Variants in PDE10A observed in about 807,000 individuals in gnomAD.
The protein encoded by PDE10A is phosphodiesterase 10A, also known as cAMP and cAMP-inhibited cGMP 3',5'-cyclic phosphodiesterase 10A.
PDE10A carries 39 observed loss-of-function variants against 97.7 expected under a neutral mutation model. The observed-to-expected ratio is 0.40, with a 90% confidence interval of 0.31 to 0.52. The LOEUF (loss-of-function observed/expected upper bound fraction) is 0.52, where lower values mean the gene tolerates loss of function less well. Ranked by LOEUF, PDE10A falls within the 20% of genes least tolerant of loss-of-function variation. The pLI is 0.56. For missense variants in PDE10A, 731 were observed against 1,047.8 expected (o/e 0.70, Z 4.17); for synonymous variants, 371 against 376.8 (o/e 0.98, Z 0.18).
intron 1 of PDE10A, among the ~76,000 whole-genome samples, chr6:165,643,240 T>G (rs1583701405): frequency 2.0e-5 from 3 of 147,422 alleles, no homozygotes; most frequent in African/African-American, 2.5e-5. Flanking sequence ...AGTGGGTGGG[T>G]GGGTGGATGG....
intron 1 of PDE10A, among the ~76,000 whole-genome samples, chr6:165,938,559 G>A (rs566392678): frequency 6.6e-6 from 1 of 152,254 alleles, no homozygotes; most frequent in Admixed American, 6.5e-5. Flanking sequence ...CCTTATCCTT[G>A]GGATTCAAGT....
At chr6:165,614,809 T>C (rs1266152119) in intron 1 of PDE10A, among the ~76,000 whole-genome samples, 1 of 148,414 alleles carries the variant, frequency 6.7e-6, no homozygotes, top group East Asian at 2.0e-4. Flanking sequence ...CCTGATCAAA[T>C]AGAAGTAAGG....
chr6:165,815,111 T>C (rs1190971788), intron 1 of PDE10A, among the ~76,000 whole-genome samples: 1 of 152,178 alleles, frequency 6.6e-6, no homozygotes. Flanking sequence ...CAGAAATAGA[T>C]GAGCAGGAGA....
At position 165,388,279 on chromosome 6, in the gene PDE10A, A is replaced by G. The variant is rs1254469300; in HGVS notation, c.2610+19T>C. ...GACAGCCCTTCAGACTAAGCGAGAG[A>G]CGGCGTGCAGTGACTCACCTGGAGG... is the stretch of plus-strand genomic sequence containing the variant. On this transcript the variant is annotated intron_variant, in intron 17 of 21. Coordinates refer to ENST00000539869, the MANE Select transcript of PDE10A (RefSeq NM_001385079.1). This position sits in a 1 kb window ranked among gnomAD's most constrained non-coding sequence, Gnocchi z 4.0. The G allele has an allele frequency of 6.2e-7, 1 of 1,612,736 alleles. No homozygotes were observed. The highest frequency in any genetic ancestry group is 8.5e-7 in the Non-Finnish European group (1 of 1,179,082).
At chr6:165,524,669 C>CAT (rs1554279349) in intron 2 of PDE10A, among the ~76,000 whole-genome samples, 17 of 152,044 alleles carry the variant, frequency 1.1e-4, no homozygotes, top group Non-Finnish European at 2.2e-4. Flanking sequence ...TGCCCTGAGT[C>CAT]AGTCTTATCT....
chr6:165,345,724 T>C (rs1487131592), intron 18 of PDE10A, among the ~76,000 whole-genome samples: 3 of 152,212 alleles, frequency 2.0e-5, no homozygotes, highest in African/African-American at 7.2e-5. Flanking sequence ...CTACATTCAT[T>C]TATCCTCAAA....
chr6:165,435,534 C>T (rs887549516), intron 5 of PDE10A, among the ~76,000 whole-genome samples, 157 bp from the exon 6 acceptor site: 2 of 152,118 alleles, frequency 1.3e-5, no homozygotes, highest in South Asian at 2.1e-4. Flanking sequence ...AACCAGATTA[C>T]CTAAAGTGAA....
At chr6:165,343,878 A>C (rs968933339) in intron 18 of PDE10A, among the ~76,000 whole-genome samples, 1 of 152,212 alleles carries the variant, frequency 6.6e-6, no homozygotes, top group Non-Finnish European at 1.5e-5. Context: ...AAGACGTCTT[A>C]AGAGAAAATC....
At chr6:165,533,599 C>A (rs1782910689) in intron 2 of PDE10A, among the ~76,000 whole-genome samples, 1 of 152,128 alleles carries the variant, frequency 6.6e-6, no homozygotes, top group Non-Finnish European at 1.5e-5. Flanking sequence ...TGCTCATTGG[C>A]ATACTAAATG....
At chr6:165,880,744 C>T (rs890619440) in intron 1 of PDE10A, among the ~76,000 whole-genome samples, 1 of 152,106 alleles carries the variant, frequency 6.6e-6, no homozygotes, top group African/African-American at 2.4e-5. Context: ...AAAATCATAC[C>T]ATGTGAAGAC....
chr6:165,413,713 A>T, intron 12 of PDE10A, 26 bp from the exon 13 acceptor site: 1 of 1,558,220 alleles, frequency 6.4e-7, no homozygotes, highest in Non-Finnish European at 8.8e-7. Context: ...ACCAAAAATA[A>T]CAACAACAAC....
intron 10 of PDE10A, among the ~76,000 whole-genome samples, chr6:165,419,890 A>G (rs139148691): frequency 2.0e-5 from 3 of 152,348 alleles, no homozygotes; most frequent in Non-Finnish European, 4.4e-5. Flanking sequence ...TTTAATAGAA[A>G]TAAGTCTAAG....
At chr6:165,454,577 C>T (rs1339744749) in intron 3 of PDE10A, among the ~76,000 whole-genome samples, 1 of 152,124 alleles carries the variant, frequency 6.6e-6, no homozygotes, top group Non-Finnish European at 1.5e-5. Flanking sequence ...AGTTTGGCCA[C>T]CTTCCTCTCT....
chr6:165,470,232 A>G (rs900034092), intron 3 of PDE10A, among the ~76,000 whole-genome samples: 2 of 152,132 alleles, frequency 1.3e-5, no homozygotes, highest in African/African-American at 4.8e-5. Context: ...TCAACAGGAG[A>G]CTTGTTAGGG....
chr6:165,904,612 T>A (rs978450000), intron 1 of PDE10A, among the ~76,000 whole-genome samples: 2 of 152,226 alleles, frequency 1.3e-5, no homozygotes, highest in African/African-American at 2.4e-5. Flanking sequence ...GGCAGCAAGA[T>A]TTTTTGGAGG....
chr6:165,765,704 C>T (rs576445184), intron 1 of PDE10A, among the ~76,000 whole-genome samples: 54 of 152,094 alleles, frequency 3.6e-4, no homozygotes, highest in Non-Finnish European at 6.5e-4. Flanking sequence ...AGTGGGCTCC[C>T]GCCTTGGCCA....
intron 6 of PDE10A, 140 bp downstream of exon 6, chr6:165,435,097 C>G: frequency 1.3e-6 from 1 of 785,716 alleles, no homozygotes; most frequent in Middle Eastern, 3.3e-4. Flanking sequence ...TTAACTTACA[C>G]ATTAATATAT....
chr6:165,734,136 T>A (rs978061008), intron 1 of PDE10A, among the ~76,000 whole-genome samples: 3 of 152,146 alleles, frequency 2.0e-5, no homozygotes, highest in African/African-American at 7.2e-5. Flanking sequence ...GGACCATCTC[T>A]CCTCCTGGTG....
At position 165,469,425 on chromosome 6, in the gene PDE10A, T is replaced by C. The variant is rs75258173; in HGVS notation, c.1023+12890A>G. On this transcript the variant is annotated intron_variant, in intron 3 of 21. Transcript: ENST00000539869. ...CACGGGTTTCTGAGGTTGCTATGGC[T>C]GTAGTTCATAAGGAGCAGCAAAGTT... Among the ~76,000 whole-genome samples the C allele has an allele frequency of 3.3e-3, 503 of 152,332 alleles. 8 individuals carry two copies. The highest frequency in any genetic ancestry group is 0.012 in the African/African-American group (483 of 41,576).
Sources: gnomAD v4.1 joint callset for allele counts (sites outside exome capture counted in the v4.1 genomes callset) on GRCh38, gnomAD v4.1.1 for gene constraint, Gnocchi (gnomAD v3.1) non-coding constraint, MANE v1.5 for transcripts, NCBI Gene and HGNC (gene_info 2026-07-23, HGNC 2026-07-21) for gene names.